RBX1: variants seen among roughly 807,000 people sequenced by gnomAD.
The protein encoded by RBX1 is E3 ubiquitin-protein ligase RBX1.
For missense variants in RBX1, 46 were observed against 141.4 expected (o/e 0.33, Z 3.42); for synonymous variants, 48 against 47.9 (o/e 1.00, Z -0.01).
intron 1 of RBX1, among the ~76,000 whole-genome samples, chr22:40,952,627 C>T (rs2058314405): frequency 6.6e-6 from 1 of 152,184 alleles, no homozygotes; most frequent in Non-Finnish European, 1.5e-5. Flanking sequence ...GAATGAAATT[C>T]TGTTAAACTC....
intron 2 of RBX1, among the ~76,000 whole-genome samples, chr22:40,957,030 A>G (rs2058327528): frequency 6.9e-6 from 1 of 145,776 alleles, no homozygotes; most frequent in Non-Finnish European, 1.5e-5. Context: ...GTGAGACTCC[A>G]TCTCAACAAC....
intron 2 of RBX1, among the ~76,000 whole-genome samples, chr22:40,960,906 G>A (rs1218669970): frequency 6.6e-6 from 1 of 151,862 alleles, no homozygotes; most frequent in Non-Finnish European, 1.5e-5. Flanking sequence ...TTATAGGCAT[G>A]CGCCACCCAC....
At chr22:40,966,893 G>A (rs1011360814) in intron 3 of RBX1, 3 of 152,148 alleles carry the variant, frequency 2.0e-5, no homozygotes, top group Admixed American at 2.0e-4. Context: ...CATGAGCAGG[G>A]GGAGAAGTGC....
chr22:40,967,157 C>T (rs1408087591), intron 3 of RBX1: 1 of 152,102 alleles, frequency 6.6e-6, no homozygotes, highest in Non-Finnish European at 1.5e-5. Context: ...TATCTCATTC[C>T]CTAAGACAAA....
intron 2 of RBX1, among the ~76,000 whole-genome samples, chr22:40,956,806 C>A (rs866997162): frequency 1.3e-5 from 2 of 151,702 alleles, no homozygotes; most frequent in African/African-American, 4.8e-5. Flanking sequence ...GAGGCCAAGG[C>A]GGGCAGATCA....
intron 2 of RBX1, among the ~76,000 whole-genome samples, chr22:40,958,896 C>T (rs180807918): frequency 1.3e-5 from 2 of 152,158 alleles, no homozygotes; most frequent in Admixed American, 6.5e-5. Flanking sequence ...GCACTGCAAC[C>T]TCTGCCTCCC....
intron 2 of RBX1, among the ~76,000 whole-genome samples, chr22:40,955,498 C>T (rs1309921529): frequency 1.3e-5 from 2 of 151,148 alleles, no homozygotes; most frequent in African/African-American, 4.9e-5. Context: ...AGTTTTACTT[C>T]AACATGTAAT....
chr22:40,957,168 A>T (rs2058327937), intron 2 of RBX1, among the ~76,000 whole-genome samples: 1 of 151,660 alleles, frequency 6.6e-6, no homozygotes, highest in South Asian at 2.1e-4. Context: ...CAACACAGTG[A>T]AACCCCATCT....
chr22:40,963,191 A>T (rs979659656), intron 2 of RBX1, among the ~76,000 whole-genome samples: 3 of 152,046 alleles, frequency 2.0e-5, no homozygotes, highest in African/African-American at 7.2e-5. Flanking sequence ...CTCCCCTATT[A>T]AATAGTTTCT....
chr22:40,956,951 C>T lies in RBX1; in HGVS notation c.157+3318C>T, dbSNP rs545544270. On this transcript the variant is annotated intron_variant, in intron 2 of 4. Coordinates refer to ENST00000216225, the MANE Select transcript of RBX1 (RefSeq NM_014248.4). The stretch of plus-strand genomic sequence containing the variant: ...TTGAGAGGCTGAGGCAGGAGAATGG[C>T]GTGAACCCAGGAGGCGGAGGTTGCA... Among the ~76,000 whole-genome samples the T allele has an allele frequency of 3.9e-5, 6 of 152,120 alleles. No homozygotes were observed. In the East Asian group the frequency reaches 7.9e-4, roughly 20 times the overall value.
At chr22:40,962,612 C>G (rs2058344044) in intron 2 of RBX1, among the ~76,000 whole-genome samples, 1 of 151,324 alleles carries the variant, frequency 6.6e-6, no homozygotes, top group Non-Finnish European at 1.5e-5. Flanking sequence ...TCTTCTGCCT[C>G]AGCCTCCTGA....
intron 3 of RBX1, among the ~76,000 whole-genome samples, chr22:40,965,049 A>G (rs1172256877): frequency 6.6e-6 from 1 of 152,246 alleles, no homozygotes; most frequent in Non-Finnish European, 1.5e-5. Flanking sequence ...TCACGCCTGT[A>G]ATCCCAGCAC....
chr22:40,971,930 C>A (rs983118281), intron 4 of RBX1, among the ~76,000 whole-genome samples: 1 of 152,110 alleles, frequency 6.6e-6, no homozygotes, highest in South Asian at 2.1e-4. Flanking sequence ...AAAATCCACG[C>A]CTAGCTTCTC....
chr22:40,952,160 CTTG>C (rs1242386746), intron 1 of RBX1, among the ~76,000 whole-genome samples: 1 of 152,174 alleles, frequency 6.6e-6, no homozygotes, highest in Non-Finnish European at 1.5e-5. Context: ...CATGGTGGAA[CTTG>C]TTAAGAAAAT....
intron 3 of RBX1, among the ~76,000 whole-genome samples, chr22:40,965,429 T>G (rs190851211): frequency 6.5e-4 from 98 of 151,616 alleles, no homozygotes; most frequent in African/African-American, 2.1e-3. Flanking sequence ...TTTGTTTTTT[T>G]TTTTGTTTTT....
intron 2 of RBX1, among the ~76,000 whole-genome samples, chr22:40,959,898 C>G (rs1321856388): frequency 6.6e-6 from 1 of 151,868 alleles, no homozygotes; most frequent in African/African-American, 2.4e-5. Context: ...AGGCAGATCA[C>G]TTGAGGTCAG....
intron 3 of RBX1, chr22:40,967,592 T>C: frequency 2.0e-6 from 1 of 488,800 alleles, no homozygotes; most frequent in East Asian, 3.5e-5. Context: ...CCTTTAGTAG[T>C]AATGACATTT....
At chr22:40,964,466 C>T in intron 3 of RBX1, 1 of 206,756 alleles carries the variant, frequency 4.8e-6, no homozygotes, top group East Asian at 1.3e-4. Flanking sequence ...TTTTTAAAGA[C>T]CAGGTGTCTA....
At chr22:40,954,751 AACTG>A (rs1239517424) in intron 2 of RBX1, among the ~76,000 whole-genome samples, 1 of 145,372 alleles carries the variant, frequency 6.9e-6, no homozygotes, top group Non-Finnish European at 1.5e-5. Flanking sequence ...TTTTTTTTTT[AACTG>A]ACCACGGTGG....
Sources: gnomAD v4.1 joint callset for allele counts (sites outside exome capture counted in the v4.1 genomes callset) on GRCh38, gnomAD v4.1.1 for gene constraint, MANE v1.5 for transcripts, NCBI Gene and HGNC (gene_info 2026-07-23, HGNC 2026-07-21) for gene names.